Variants in LUZP4 observed in about 807,000 individuals in gnomAD.
The protein encoded by LUZP4 is HOM-TES-85 tumor antigen.
Under a neutral mutation model 8.5 loss-of-function variants are expected in LUZP4, and 11 were observed. That is an observed-to-expected ratio of 1.30 (90% CI 0.82 to 2.14). The LOEUF is 2.14. Among genes scored for constraint, LUZP4 ranks in the 30% most tolerant of loss-of-function variants. The pLI, the probability that LUZP4 is intolerant of heterozygous loss-of-function variation, is 0.00. For synonymous variants in LUZP4, 104 were observed against 79.4 expected (o/e 1.31, Z -1.65); for missense variants, 276 against 229.7 (o/e 1.20, Z -1.30).
chrX:115,303,388 C>T lies in LUZP4; in HGVS notation c.312C>T (p.His104=). 3.4e-6 allele frequency: 4 copies of T among 1,176,029 alleles called. No individual in the cohort carries two copies. Among genetic ancestry groups the T allele is most frequent in the Non-Finnish European group, 4.6e-6 (4 of 875,002 alleles). Residue 104 remains histidine, a synonymous_variant, in exon 3 of 4, where the codon CAC becomes CAT. Coordinates refer to ENST00000371920, the MANE Select transcript of LUZP4 (RefSeq NM_016383.5). ...CTTCTGGATTCAAGTCTGGACAACA[C>T]CCTTTAAATGGGCAGCCTTTAATTG... The part of the protein sequence containing the change: ...QKPSGFKSGQ[H]PLNGQPLIEQ...
intron 3 of LUZP4, among the ~76,000 whole-genome samples, chrX:115,305,599 C>G (rs1297157631): frequency 5.3e-5 from 6 of 112,197 alleles, no homozygotes; most frequent in African/African-American, 1.9e-4. Flanking sequence ...TTGGCTGATT[C>G]ACTCCACTGT....
chrX:115,295,388 G>C (rs782073002), intron 1 of LUZP4, among the ~76,000 whole-genome samples: 2 of 112,562 alleles, frequency 1.8e-5, no homozygotes, highest in African/African-American at 6.5e-5. Context: ...TGAGGCCCTT[G>C]CAGTTTGAAG....
chrX:115,292,242 C>A (rs1226446467), intron 1 of LUZP4, among the ~76,000 whole-genome samples: 1 of 112,271 alleles, frequency 8.9e-6, no homozygotes, highest in Non-Finnish European at 1.9e-5. Context: ...CTAGTTTTAA[C>A]TCTTAAATTT....
At chrX:115,297,691 C>T (rs1195288803) in intron 1 of LUZP4, among the ~76,000 whole-genome samples, 1 of 111,249 alleles carries the variant, frequency 9.0e-6, no homozygotes, top group Non-Finnish European at 1.9e-5. Context: ...CTTTCTTTAT[C>T]CTTGACCTTT....
intron 1 of LUZP4, among the ~76,000 whole-genome samples, 169 bp from the exon 2 acceptor site, chrX:115,301,823 C>T (rs1338582709): frequency 8.9e-6 from 1 of 111,928 alleles, no homozygotes; most frequent in Non-Finnish European, 1.9e-5. Flanking sequence ...GATGTCGGTA[C>T]TGTTTGACCT....
chrX:115,294,714 C>T (rs782291132), intron 1 of LUZP4, among the ~76,000 whole-genome samples: 1 of 111,448 alleles, frequency 9.0e-6, no homozygotes, highest in Non-Finnish European at 1.9e-5. Flanking sequence ...GTGAAGTAAA[C>T]GGACTTAGGA....
At chrX:115,302,996 T>C (rs782023452) in intron 2 of LUZP4, among the ~76,000 whole-genome samples, 1 of 112,259 alleles carries the variant, frequency 8.9e-6, no homozygotes, top group East Asian at 2.8e-4. Flanking sequence ...ATCTCTCCTT[T>C]TTCTACTGGA....
rs1050297039 is a variant in LUZP4 at position 115,306,711 on chromosome X, T to A, written c.849T>A (p.Thr283=). 1.7e-6 allele frequency: 2 copies of A among 1,210,527 alleles called. No individual in the cohort carries two copies. The highest frequency in any genetic ancestry group is 2.2e-5 in the Admixed American group (1 of 45,900). ...TCACTCAGAGAGATCTCGTGGCCAC[T>A]GAGAGAGATCTCATAAATCAGTCAG... The part of the protein sequence containing the change: ...LIVTQRDLVA[T]ERDLINQSGR... Residue 283 remains threonine (T), a synonymous_variant, in exon 4 of 4, where the codon ACT becomes ACA. Transcript: ENST00000371920.
In LUZP4 at chrX:115,306,637, C is replaced by T. The variant is rs1556604282; in HGVS notation, c.775C>T (p.Leu259Phe). 3 of 1,210,507 alleles carry T rather than the reference C, an allele frequency of 2.5e-6. No individual in the cohort carries two copies. The highest frequency in any genetic ancestry group is 3.4e-6 in the Non-Finnish European group (3 of 895,272). Residue 259 changes from leucine to phenylalanine, a missense_variant, in exon 4 of 4, where the codon CTC (leucine) becomes TTC (phenylalanine). Coordinates refer to ENST00000371920, the MANE Select transcript of LUZP4 (RefSeq NM_016383.5). ...QRDLIATQKDLIATQRDLIAT... is the reference protein window; with the variant it reads ...QRDLIATQKDFIATQRDLIAT... ...AGATCTCATAGCCACTCAGAAAGAT[C>T]TCATAGCCACTCAGAGAGATCTCAT...
At chrX:115,299,107 GC>G (rs2073383949) in intron 1 of LUZP4, among the ~76,000 whole-genome samples, 1 of 111,457 alleles carries the variant, frequency 9.0e-6, no homozygotes, top group Non-Finnish European at 1.9e-5. Flanking sequence ...GGATCACCAG[GC>G]AGAGACTCTT....
chrX:115,305,986 T>C (rs1179303034), intron 3 of LUZP4, among the ~76,000 whole-genome samples: 1 of 111,688 alleles, frequency 9.0e-6, no homozygotes, highest in Non-Finnish European at 1.9e-5. Context: ...ATTTTTATTT[T>C]ATTAAAGTTT....
intron 1 of LUZP4, among the ~76,000 whole-genome samples, chrX:115,292,083 G>A (rs2073351476): frequency 8.9e-6 from 1 of 112,279 alleles, no homozygotes; most frequent in African/African-American, 3.2e-5. Flanking sequence ...ACCTCACCCG[G>A]CCTAAACTTT....
chrX:115,294,333 G>A (rs1291675961), intron 1 of LUZP4, among the ~76,000 whole-genome samples: 4 of 112,300 alleles, frequency 3.6e-5, no homozygotes, highest in African/African-American at 1.3e-4. Flanking sequence ...GTGTGACCTT[G>A]TGCAAGTTGC....
Position 115,306,772 on chromosome X carries a change from TACTC to T in LUZP4, c.912_915del (p.Tyr304Ter). On this transcript the variant is annotated frameshift_variant, in exon 4 of 4. Coordinates refer to ENST00000371920, the MANE Select transcript of LUZP4 (RefSeq NM_016383.5). LOFTEE classifies it high-confidence loss of function. ...TGGCCAATCAGAAAGACATCAGAGA[TACTC>T]AACAGGTAAAAATACAATAACTACT... is the stretch of plus-strand genomic sequence containing the variant. 2.5e-6 allele frequency: 3 copies of T among 1,207,633 alleles called. No homozygotes were observed. The highest frequency in any genetic ancestry group is 2.2e-6 in the Non-Finnish European group (2 of 891,799).
rs146911615 is a variant in LUZP4 at position 115,306,414 on chromosome X, T to C, written c.552T>C (p.His184=). The C allele has an allele frequency of 5.1e-5, 62 of 1,209,157 alleles. No individual in the cohort carries two copies. In the African/African-American group the frequency reaches 9.3e-4, roughly 18 times the overall value. Residue 184 remains histidine, a synonymous_variant, in exon 4 of 4, where the codon CAT becomes CAC. Transcript: ENST00000371920. Reference sequence around the variant, plus strand: ...CTCAAGGGCAGCTAAAGAGACATCATCCCCAATATGAGAGATCTCATGGCC... The same window carrying C: ...CTCAAGGGCAGCTAAAGAGACATCACCCCCAATATGAGAGATCTCATGGCC... ...DRSQGQLKRH[H]PQYERSHGQY... is the part of the protein sequence containing the mutation.
Position 115,302,067 on chromosome X carries a change from A to G in LUZP4, c.167A>G (p.Lys56Arg). 8.3e-7 allele frequency: 1 copy of G among 1,198,264 alleles called. No homozygotes were observed. Among genetic ancestry groups the G allele is most frequent in the Non-Finnish European group, 1.1e-6 (1 of 887,655 alleles). Residue 56 changes from lysine (K) to arginine (R), a missense_variant, in exon 2 of 4, where the codon AAA becomes AGA. Lys to Arg is a conservative substitution (Grantham distance 26). Coordinates refer to ENST00000371920, the MANE Select transcript of LUZP4 (RefSeq NM_016383.5). ...AAGAATAAAAGACAGAACCATAGTA[A>G]AAAGGAATCGCCTTCAAGACAGCAA... ...EEKNKRQNHS[K>R]KESPSRQQSK...
intron 3 of LUZP4, among the ~76,000 whole-genome samples, chrX:115,303,923 C>T (rs2073409077): frequency 8.9e-6 from 1 of 111,994 alleles, no homozygotes; most frequent in African/African-American, 3.2e-5. Flanking sequence ...GTGCTCAGAT[C>T]CAGAATCATT....
chrX:115,290,586 G>A (rs1349009921), intron 1 of LUZP4, among the ~76,000 whole-genome samples: 2 of 111,507 alleles, frequency 1.8e-5, no homozygotes, highest in African/African-American at 6.5e-5. Context: ...ACTTGGACCA[G>A]TTCCTCTGCT....
intron 1 of LUZP4, among the ~76,000 whole-genome samples, chrX:115,298,782 T>G (rs1556600169): frequency 1.8e-5 from 2 of 111,971 alleles, no homozygotes; most frequent in African/African-American, 6.5e-5. Flanking sequence ...ATCTCTGTTT[T>G]TCCAGGACTC....
Sources: allele counts gnomAD v4.1 joint callset (sites outside exome capture counted in the v4.1 genomes callset), GRCh38; gene constraint gnomAD v4.1.1; transcripts MANE v1.5; gene names NCBI Gene and HGNC (gene_info 2026-07-23, HGNC 2026-07-21).